Variants in NXN observed in about 807,000 individuals in gnomAD.
The protein encoded by NXN is nucleoredoxin, also known as nucleoredoxin 1.
In NXN, 16 loss-of-function variants were observed where a neutral mutation model predicts 48.6. That is an observed-to-expected ratio of 0.33 (90% CI 0.22 to 0.50). The LOEUF is 0.50. Ranked by LOEUF, NXN falls within the 20% of genes least tolerant of loss-of-function variation. The pLI, the probability that NXN is intolerant of heterozygous loss-of-function variation, is 0.98. For missense variants in NXN, 492 were observed against 605.5 expected, an observed-to-expected ratio of 0.81 and a Z score of 1.97; for synonymous variants, 281 against 269.6, an observed-to-expected ratio of 1.04 and a Z score of -0.41.
chr17:808,124 G>A (rs1195031607), intron 5 of NXN, among the ~76,000 whole-genome samples: 1 of 152,160 alleles, frequency 6.6e-6, no homozygotes, highest in Non-Finnish European at 1.5e-5. Flanking sequence ...GGTCCTCACA[G>A]CACCTGCGAT....
chr17:811,765 G>C (rs1228823966), intron 5 of NXN, among the ~76,000 whole-genome samples: 1 of 152,046 alleles, frequency 6.6e-6, no homozygotes, highest in Non-Finnish European at 1.5e-5. Flanking sequence ...ACAGCTCAAG[G>C]GCACAGCCTC....
chr17:887,583 T>C (rs2068362793), intron 1 of NXN, among the ~76,000 whole-genome samples: 1 of 152,134 alleles, frequency 6.6e-6, no homozygotes, highest in African/African-American at 2.4e-5. Context: ...TCCATTTTAT[T>C]TGTCAGAACC....
chr17:823,382 G>A (rs570160759), intron 3 of NXN, among the ~76,000 whole-genome samples: 4 of 151,316 alleles, frequency 2.6e-5, no homozygotes, highest in African/African-American at 9.7e-5. Context: ...CTGGGTAACA[G>A]AGCGAGACTC....
intron 1 of NXN, among the ~76,000 whole-genome samples, chr17:883,422 T>G (rs149311565): frequency 5.8e-4 from 88 of 151,328 alleles, no homozygotes; most frequent in Middle Eastern, 3.4e-3. Context: ...GTTCTTGGAG[T>G]TGAACCAGCA....
chr17:926,640 G>A (rs577405813), intron 1 of NXN, among the ~76,000 whole-genome samples: 2 of 151,818 alleles, frequency 1.3e-5, no homozygotes, highest in East Asian at 3.9e-4. Context: ...CTGCTTCCCG[G>A]GCTAAAACCA....
chr17:840,971 C>T (rs994430240), intron 1 of NXN, among the ~76,000 whole-genome samples: 20 of 152,324 alleles, frequency 1.3e-4, no homozygotes, highest in East Asian at 5.8e-4. Flanking sequence ...CACCGCACGG[C>T]GGCGGGAGGC....
At chr17:906,495 A>G (rs2068582286) in intron 1 of NXN, among the ~76,000 whole-genome samples, 2 of 152,028 alleles carry the variant, frequency 1.3e-5, no homozygotes, top group African/African-American at 4.8e-5. Flanking sequence ...TGCCAACACA[A>G]CTTCCTCACA....
intron 1 of NXN, among the ~76,000 whole-genome samples, chr17:841,599 CCCCCG>C (rs1914287637): frequency 8.8e-6 from 1 of 113,176 alleles, no homozygotes; most frequent in Non-Finnish European, 1.8e-5. Flanking sequence ...CGAGCAGGTC[CCCCCG>C]ACCACAGAGC....
At chr17:933,954 T>C (rs1421118550) in intron 1 of NXN, among the ~76,000 whole-genome samples, 2 of 151,950 alleles carry the variant, frequency 1.3e-5, no homozygotes, top group East Asian at 3.9e-4. Flanking sequence ...AATTGAAAAA[T>C]AAACAGGAGG....
At chr17:976,796 C>T (rs1405967692) in intron 1 of NXN, among the ~76,000 whole-genome samples, 5 of 144,264 alleles carry the variant, frequency 3.5e-5, no homozygotes, top group Admixed American at 7.0e-5. Context: ...GACAGAGTTT[C>T]GCTCTTGTTG....
chr17:845,448 G>C (rs888668893), intron 1 of NXN, among the ~76,000 whole-genome samples: 4 of 151,696 alleles, frequency 2.6e-5, no homozygotes, highest in Non-Finnish European at 5.9e-5. Flanking sequence ...CACCTTTAGG[G>C]ACTCAACATC....
In NXN at chr17:919,154, G is replaced by A. The variant is rs1010219958; in HGVS notation, c.360+60165C>T. ...AGGCTGAGGGTGGATCACGAGGTCA[G>A]GAGATCGAGACCATCCTGGCTAACA... On this transcript the variant is annotated intron_variant, in intron 1 of 7. Transcript: ENST00000336868. This position sits in a 1 kb window ranked among gnomAD's most constrained non-coding sequence, Gnocchi z 5.1. 6.6e-6 allele frequency among the ~76,000 whole-genome samples: 1 copy of A among 152,092 alleles called. No individual in the cohort carries two copies. Among genetic ancestry groups the A allele is most frequent in the Non-Finnish European group, 1.5e-5 (1 of 68,022 alleles).
chr17:826,330 C>T (rs547665927), intron 1 of NXN, among the ~76,000 whole-genome samples: 4 of 152,132 alleles, frequency 2.6e-5, no homozygotes, highest in Non-Finnish European at 4.4e-5. Context: ...CCGGGGTCTG[C>T]GACAGTGTGG....
intron 1 of NXN, among the ~76,000 whole-genome samples, chr17:970,814 A>G (rs2069367135): frequency 6.6e-6 from 1 of 152,238 alleles, no homozygotes; most frequent in Non-Finnish European, 1.5e-5. Flanking sequence ...AAAACGGTGA[A>G]TATCTACTGA....
At position 846,796 on chromosome 17, in the gene NXN, G is replaced by A. The variant is rs1192996926; in HGVS notation, c.361-20718C>T. Among the ~76,000 whole-genome samples the A allele has an allele frequency of 2.6e-5, 4 of 152,146 alleles. No individual in the cohort carries two copies. The South Asian group carries it at 6.2e-4, about 24-fold the overall frequency. On this transcript the variant is annotated intron_variant, in intron 1 of 7. Coordinates refer to ENST00000336868, the MANE Select transcript of NXN (RefSeq NM_022463.5). ...AGGAATGTGAGCTGGTACTGATAAC[G>A]CTTGGTACTGTGGCATGCTGGGCAC...
intron 1 of NXN, among the ~76,000 whole-genome samples, chr17:890,862 GA>G (rs564388934): frequency 1.6e-3 from 247 of 152,236 alleles, no homozygotes; most frequent in African/African-American, 5.7e-3. Context: ...CTATCAGGGG[GA>G]TAGAATTCTT....
At chr17:939,353 T>A (rs989862153) in intron 1 of NXN, among the ~76,000 whole-genome samples, 9 of 134,888 alleles carry the variant, frequency 6.7e-5, no homozygotes, top group Non-Finnish European at 1.3e-4. Flanking sequence ...GCTTTTTTTT[T>A]TTTTTTTTGA....
rs747755306 is a variant in NXN at position 979,435 on chromosome 17, G to A, written c.244C>T (p.Pro82Ser). 8 of 1,307,928 alleles carry A rather than the reference G, an allele frequency of 6.1e-6. No individual in the cohort carries two copies. The highest frequency in any genetic ancestry group is 5.7e-5 in the Admixed American group (2 of 35,214). The allele number at this position is 1,307,928 out of a possible 1,614,324, so 81.0% of individuals were successfully genotyped here. A position where few individuals can be genotyped will look rare whatever the true frequency, so the allele number is the denominator to read the frequency against. Residue 82 changes from proline to serine, a missense_variant, in exon 1 of 8, where the codon CCG (proline) becomes TCG (serine). By Grantham distance (74) the Pro-to-Ser change is moderately conservative (BLOSUM62 -1). Around this residue, in one of 3 missense-constraint regions of NXN, gnomAD observed 186 missense variants for 199.1 expected, o/e 0.93. Transcript: ENST00000336868. ...AGAGAAAEPE[P>S]RRRLEIVFVS... ...AAGACGATCTCCAGGCGCCGCCGCG[G>A]CTCGGGCTCCGCCGCCGCCCCGGCC... is the stretch of plus-strand genomic sequence containing the variant.
intron 5 of NXN, among the ~76,000 whole-genome samples, chr17:811,915 T>C (rs989827625): frequency 1.4e-5 from 2 of 142,726 alleles, no homozygotes; most frequent in African/African-American, 5.3e-5. Context: ...GGTTACCCAG[T>C]TCTGCTTTTT....
Sources: gnomAD v4.1 joint callset for allele counts (sites outside exome capture counted in the v4.1 genomes callset) on GRCh38, gnomAD v4.1.1 for gene constraint, gnomAD v4.1.1 regional missense constraint, Gnocchi (gnomAD v3.1) non-coding constraint, MANE v1.5 for transcripts, NCBI Gene and HGNC (gene_info 2026-07-23, HGNC 2026-07-21) for gene names.